CFAP54: variants seen among roughly 807,000 people sequenced by gnomAD.
CFAP54 encodes the protein cilia- and flagella-associated protein 54.
In CFAP54, 290 loss-of-function variants were observed where a neutral mutation model predicts 370.4. That is an observed-to-expected ratio of 0.78 (90% CI 0.71 to 0.86). CFAP54 has a LOEUF of 0.86. Ranked by LOEUF, CFAP54 falls within the 40% of genes least tolerant of loss-of-function variation. The pLI is 0.00. For synonymous variants in CFAP54, 1,206 were observed against 1,236.5 expected (o/e 0.98, Z 0.52); for missense variants, 3,399 against 3,528.7 (o/e 0.96, Z 0.93).
chr12:96,786,914 A>G lies in CFAP54; in HGVS notation c.8679+16A>G, dbSNP rs140692312. The G allele has an allele frequency of 1.0e-4, 154 of 1,484,288 alleles. No individual in the cohort carries two copies. In the African/African-American group the frequency reaches 2.0e-3, roughly 19 times the overall value. 91.9% of individuals were successfully genotyped at this position (1,484,288 alleles called of 1,614,324 possible). On this transcript the variant is annotated intron_variant, in intron 62 of 67. Transcript: ENST00000524981. ...ATCTGCCAAGGTAACGTTTTTTGAA[A>G]CATGATATATTTACATAAAACTTCT...
chr12:96,594,219 C>T (rs1220040428), intron 24 of CFAP54, 72 bp from the exon 25 acceptor site: 9 of 1,060,852 alleles, frequency 8.5e-6, no homozygotes, highest in Non-Finnish European at 1.1e-5. Flanking sequence ...ACATTTTCTA[C>T]CCATTCTCCG....
At position 96,564,454 on chromosome 12, in the gene CFAP54, GTCT is replaced by G; in HGVS notation, c.2411-5_2411-3del. On this transcript the variant is annotated splice_polypyrimidine_tract_variant and intron_variant, in intron 17 of 67. Coordinates refer to ENST00000524981, the MANE Select transcript of CFAP54 (RefSeq NM_001306084.2). Reference sequence around the variant, plus strand: ...TACATACTTAATTGTTATGACAGTCGTCTTCTTCTTCAGTTTTGCAGACTCCAA... The same window carrying G: ...TACATACTTAATTGTTATGACAGTCGTCTTCTTCAGTTTTGCAGACTCCAA... The G allele has an allele frequency of 1.2e-5, 8 of 687,514 alleles. No individual in the cohort carries two copies. The highest frequency in any genetic ancestry group is 2.3e-4 in the Middle Eastern group (1 of 4,266). 42.6% of individuals were successfully genotyped at this position (687,514 alleles called of 1,614,324 possible). A position where few individuals can be genotyped will look rare whatever the true frequency, so the allele number is the denominator to read the frequency against.
rs1439261497 is a variant in CFAP54 at position 96,732,580 on chromosome 12, TAATA to T, written c.6966-7372_6966-7369del. On this transcript the variant is annotated intron_variant, in intron 50 of 67. Transcript: ENST00000524981. Reference sequence around the variant, plus strand: ...TTACTATTTTTATTTTAAGAGGAATTAATAAATGTTAAGGAAATTAAGACATTTT... The same window carrying T: ...TTACTATTTTTATTTTAAGAGGAATTAATGTTAAGGAAATTAAGACATTTT... 1.6e-4 allele frequency among the ~76,000 whole-genome samples: 25 copies of T among 152,252 alleles called. 2 individuals are homozygous for T. Among genetic ancestry groups the T allele is most frequent in the Non-Finnish European group, 5.9e-5 (4 of 68,050 alleles).
chr12:96,506,962 A>G lies in CFAP54; in HGVS notation c.602A>G (p.Tyr201Cys), dbSNP rs2136353718. The G allele has an allele frequency of 1.3e-6, 2 of 1,532,592 alleles. No homozygotes were observed. Among genetic ancestry groups the G allele is most frequent in the East Asian group, 4.9e-5 (2 of 40,884 alleles). 94.9% of individuals were successfully genotyped at this position (1,532,592 alleles called of 1,614,324 possible). A position where few individuals can be genotyped will look rare whatever the true frequency, so the allele number is the denominator to read the frequency against. ...HALSGKNMCN[Y>C]QLVCDSDENL... ...TTGAGTGGCAAAAATATGTGCAACT[A>G]CCAGCTGGTCTGCGACAGTGATGAA... Residue 201 changes from tyrosine to cysteine, a missense_variant, in exon 4 of 68, where the codon TAC becomes TGC. Physicochemically the swap from Tyr to Cys is radical, Grantham distance 194 (BLOSUM62 -2). Transcript: ENST00000524981.
At chr12:96,677,600 GAGA>G (rs1957225596) in intron 39 of CFAP54, among the ~76,000 whole-genome samples, 1 of 152,158 alleles carries the variant, frequency 6.6e-6, no homozygotes, top group Non-Finnish European at 1.5e-5. Context: ...ACTAAGGAGG[GAGA>G]TGGTGGGGAC....
At chr12:96,565,775 T>C (rs137919296) in intron 19 of CFAP54, among the ~76,000 whole-genome samples, 47 of 152,272 alleles carry the variant, frequency 3.1e-4, no homozygotes, top group African/African-American at 9.9e-4. Context: ...CAGATGTAGA[T>C]AAGAAAAGTT....
chr12:96,723,424 G>A (rs1479756682), intron 50 of CFAP54, among the ~76,000 whole-genome samples: 1 of 152,098 alleles, frequency 6.6e-6, no homozygotes, highest in Non-Finnish European at 1.5e-5. Flanking sequence ...AAGAGATTAT[G>A]GAACCCTGAA....
intron 26 of CFAP54, among the ~76,000 whole-genome samples, chr12:96,612,990 G>A (rs1426071534): frequency 6.6e-6 from 1 of 152,122 alleles, no homozygotes; most frequent in Non-Finnish European, 1.5e-5. Context: ...AGGATATACA[G>A]GAACTGAACT....
At chr12:96,609,132 G>A (rs1314327063) in intron 26 of CFAP54, among the ~76,000 whole-genome samples, 1 of 152,104 alleles carries the variant, frequency 6.6e-6, no homozygotes, top group Non-Finnish European at 1.5e-5. Context: ...ATCAGAAAAA[G>A]CAGAGTTCAG....
Position 96,651,677 on chromosome 12 carries a change from T to A in CFAP54, c.4962T>A (p.Leu1654=). 6.2e-7 allele frequency: 1 copy of A among 1,614,132 alleles called. No homozygotes were observed. The highest frequency in any genetic ancestry group is 8.5e-7 in the Non-Finnish European group (1 of 1,179,996). Residue 1654 remains leucine, a synonymous_variant, in exon 36 of 68, where the codon CTT becomes CTA. Coordinates refer to ENST00000524981, the MANE Select transcript of CFAP54 (RefSeq NM_001306084.2). ...TTACTCAGGAACTACAAATACTTCT[T>A]AAACAGGCAGTGGATCTTGATAAAA... is the stretch of plus-strand genomic sequence containing the variant. ...WNFTQELQIL[L]KQAVDLDKTF...
At chr12:96,777,694 T>C (rs1958533381) in intron 60 of CFAP54, among the ~76,000 whole-genome samples, 1 of 152,054 alleles carries the variant, frequency 6.6e-6, no homozygotes, top group Non-Finnish European at 1.5e-5. Flanking sequence ...ATCAATGTGT[T>C]CATTCTACTA....
intron 48 of CFAP54, among the ~76,000 whole-genome samples, chr12:96,713,570 A>C (rs1429019920): frequency 6.6e-6 from 1 of 152,224 alleles, no homozygotes. Context: ...GAAAATAAAC[A>C]CAAAAAATAC....
At chr12:96,636,597 T>C (rs1229296067) in intron 32 of CFAP54, among the ~76,000 whole-genome samples, 2 of 152,248 alleles carry the variant, frequency 1.3e-5, no homozygotes, top group South Asian at 2.1e-4. Context: ...ATCCTTTCTA[T>C]TGTCTTGATT....
At chr12:96,508,528 C>T (rs888565248) in intron 4 of CFAP54, among the ~76,000 whole-genome samples, 6 of 151,692 alleles carry the variant, frequency 4.0e-5, no homozygotes, top group Admixed American at 1.3e-4. Flanking sequence ...TCAGGCAATC[C>T]GCCCGCCTCC....
intron 67 of CFAP54, among the ~76,000 whole-genome samples, chr12:96,871,804 T>A (rs997978409): frequency 3.3e-5 from 5 of 152,024 alleles, no homozygotes; most frequent in Non-Finnish European, 5.9e-5. Flanking sequence ...TGCTACAGAA[T>A]TTTTTTTAAA....
intron 67 of CFAP54, among the ~76,000 whole-genome samples, chr12:96,867,868 C>G (rs1960044977): frequency 6.6e-6 from 1 of 152,002 alleles, no homozygotes. Flanking sequence ...GTGTTGTACG[C>G]TCAAAAATTG....
chr12:96,513,086 G>A (rs1193073380), intron 5 of CFAP54, 42 bp downstream of exon 5: 4 of 1,272,556 alleles, frequency 3.1e-6, no homozygotes, highest in Non-Finnish European at 4.2e-6. Context: ...TCTATTTCCT[G>A]TTTTATTTTT....
chr12:96,850,999 A>G (rs144339132), intron 66 of CFAP54, among the ~76,000 whole-genome samples: 81 of 152,344 alleles, frequency 5.3e-4, no homozygotes, highest in African/African-American at 1.9e-3. Context: ...ATATCAGTGT[A>G]AAAACCATAT....
At chr12:96,777,699 C>G (rs1479888450) in intron 60 of CFAP54, among the ~76,000 whole-genome samples, 2 of 152,142 alleles carry the variant, frequency 1.3e-5, no homozygotes, top group Admixed American at 6.5e-5. Flanking sequence ...TGTGTTCATT[C>G]TACTATGAGG....
Sources: allele counts gnomAD v4.1 joint callset (sites outside exome capture counted in the v4.1 genomes callset), GRCh38; gene constraint gnomAD v4.1.1; transcripts MANE v1.5; gene names NCBI Gene and HGNC (gene_info 2026-07-23, HGNC 2026-07-21).